MYO18A: variants seen among roughly 807,000 people sequenced by gnomAD.
MYO18A encodes the protein unconventional myosin-XVIIIa.
In MYO18A, 78 loss-of-function variants were observed where a neutral mutation model predicts 235.8. That is an observed-to-expected ratio of 0.33 (90% CI 0.28 to 0.40). MYO18A has a LOEUF of 0.40. Among genes scored for constraint, MYO18A ranks in the 10% least tolerant of loss-of-function variants. The pLI, the probability that MYO18A is intolerant of heterozygous loss-of-function variation, is 1.00. For missense variants in MYO18A, 2,215 were observed against 2,699.3 expected, an observed-to-expected ratio of 0.82 and a Z score of 3.98; for synonymous variants, 977 against 1,077.8, an observed-to-expected ratio of 0.91 and a Z score of 1.83.
At chr17:29,165,859 T>C in intron 2 of MYO18A, 83 bp downstream of exon 2, 2 of 1,327,734 alleles carry the variant, frequency 1.5e-6, no homozygotes, top group East Asian at 2.5e-5. Flanking sequence ...TAACAGCTCT[T>C]GGGTACCCCG....
chr17:29,100,464 G>A (rs1243120905), intron 21 of MYO18A, among the ~76,000 whole-genome samples: 1 of 152,220 alleles, frequency 6.6e-6, no homozygotes, highest in Non-Finnish European at 1.5e-5. Context: ...CCAGCTGAGG[G>A]ACCTGTCATA....
Position 29,125,826 on chromosome 17 carries a change from G to C in MYO18A, c.1000-3573C>G, listed in dbSNP as rs1279513631. On this transcript the variant is annotated intron_variant, in intron 2 of 41. Coordinates refer to ENST00000527372, the MANE Select transcript of MYO18A (RefSeq NM_078471.4). The surrounding 1 kb of genome is among the most constrained non-coding windows in gnomAD (Gnocchi z 5.1). ...TCAGCGCGCCTACAGACACACACAGGGTCCTGCCGCCAGCCTCAGGAAGAG... is the reference window on the plus strand; with the variant it reads ...TCAGCGCGCCTACAGACACACACAGCGTCCTGCCGCCAGCCTCAGGAAGAG... The C allele has an allele frequency of 1.2e-6, 1 of 845,424 alleles. No homozygotes were observed. The highest frequency in any genetic ancestry group is 1.4e-6 in the Non-Finnish European group (1 of 701,364). 52.4% of individuals were successfully genotyped at this position (845,424 alleles called of 1,614,324 possible). A position where few individuals can be genotyped will look rare whatever the true frequency, so the allele number is the denominator to read the frequency against.
At chr17:29,147,628 A>G (rs1170026237) in intron 2 of MYO18A, among the ~76,000 whole-genome samples, 1 of 152,144 alleles carries the variant, frequency 6.6e-6, no homozygotes, top group African/African-American at 2.4e-5. Flanking sequence ...GTAGTCAGGC[A>G]TGGTGGCTCA....
At position 29,122,258 on chromosome 17, in the gene MYO18A, CAG is replaced by C. The variant is rs754677702; in HGVS notation, c.1000-7_1000-6del. The C allele has an allele frequency of 5.0e-6, 8 of 1,608,778 alleles. No individual in the cohort carries two copies. The highest frequency in any genetic ancestry group is 1.7e-5 in the Admixed American group (1 of 59,262). ...AATCTGTTCTTCTGTTTTCGCCTGT[CAG>C]AGAGAGAGAAGAATAAACAGGCCCT... On this transcript the variant is annotated splice_region_variant and splice_polypyrimidine_tract_variant and intron_variant, in intron 2 of 41. Transcript: ENST00000527372.
chr17:29,095,609 C>G (rs933968871), intron 28 of MYO18A, among the ~76,000 whole-genome samples: 2 of 152,234 alleles, frequency 1.3e-5, no homozygotes, highest in African/African-American at 4.8e-5. Flanking sequence ...CCACTGTGCC[C>G]AGCTGGCCAC....
Position 29,166,513 on chromosome 17 carries a change from T to C in MYO18A, c.428A>G (p.Gln143Arg). ...QMIVKRFSFS[Q>R]RSRDESASET... is the part of the protein sequence containing the mutation. ...TGAGGCGCTCTCATCCCGGCTACGC[T>C]GGGAGAAGGAAAAGCGCTTGACAAT... The change falls in exon 2 of 42, where the codon CAG (glutamine) becomes CGG (arginine). Residue 143 changes from glutamine to arginine, a missense_variant. Gln to Arg is a conservative substitution (Grantham distance 43). Transcript: ENST00000527372. The C allele has an allele frequency of 6.2e-7, 1 of 1,613,634 alleles. No homozygotes were observed. The highest frequency in any genetic ancestry group is 8.5e-7 in the Non-Finnish European group (1 of 1,179,858).
At position 29,121,202 on chromosome 17, in the gene MYO18A, T is replaced by A. The variant is rs780656034; in HGVS notation, c.1381A>T (p.Met461Leu). 6.2e-7 allele frequency: 1 copy of A among 1,606,562 alleles called. No individual in the cohort carries two copies. Among genetic ancestry groups the A allele is most frequent in the Admixed American group, 1.7e-5 (1 of 59,000 alleles). The change falls in exon 6 of 42, where the codon ATG becomes TTG. Residue 461 changes from methionine to leucine, a missense_variant. Physicochemically the swap from Met to Leu is conservative, Grantham distance 15. Transcript: ENST00000527372. This position sits in a 1 kb window ranked among gnomAD's most constrained non-coding sequence, Gnocchi z 4.2. ...TCCTCCCGCCGACAACCCTTGAACA[T>A]GTGCATCACCTTGGGCAGGAGAGCA... ...PAVYSEKVMH[M>L]FKGCRREDMA... is the part of the protein sequence containing the mutation.
At chr17:29,131,339 G>A (rs1216820303) in intron 2 of MYO18A, 5 of 947,640 alleles carry the variant, frequency 5.3e-6, no homozygotes, top group Non-Finnish European at 6.3e-6. Context: ...ACACATGCCC[G>A]CACACACACA....
rs568985530 is a variant in MYO18A at position 29,086,386 on chromosome 17, G to A, written c.5852+52C>T. On this transcript the variant is annotated intron_variant, in intron 39 of 41. Transcript: ENST00000527372. ...TACCTGGTCGTCTGGTTCCAGAGGT[G>A]GTCAAGAGGGCCTCCGTGCTAGCTG... 33 of 1,551,530 alleles carry A rather than the reference G, an allele frequency of 2.1e-5. No individual in the cohort carries two copies. The African/African-American group carries it at 4.0e-4, about 19-fold the overall frequency.
At position 29,111,691 on chromosome 17, in the gene MYO18A, AGAGGAGC is replaced by A; in HGVS notation, c.2740+24_2740+30del. Reference sequence around the variant, plus strand: ...GACCCACCTGTATGTAAGAGGAAGCAGAGGAGCTACCCTCTAGGGATGCCACCTACCT... The same window carrying A: ...GACCCACCTGTATGTAAGAGGAAGCATACCCTCTAGGGATGCCACCTACCT... On this transcript the variant is annotated intron_variant, in intron 16 of 41. Transcript: ENST00000527372. The surrounding 1 kb of genome is among the most constrained non-coding windows in gnomAD (Gnocchi z 5.1). 1 of 1,612,930 alleles carries A rather than the reference AGAGGAGC, an allele frequency of 6.2e-7. No individual in the cohort carries two copies. The highest frequency in any genetic ancestry group is 8.5e-7 in the Non-Finnish European group (1 of 1,179,420).
intron 39 of MYO18A, among the ~76,000 whole-genome samples, chr17:29,085,911 A>G (rs1205795812): frequency 1.3e-5 from 2 of 152,176 alleles, no homozygotes; most frequent in East Asian, 3.9e-4. Context: ...CCCCAGCCCT[A>G]AGGTGGGAAG....
chr17:29,090,498 C>T lies in MYO18A; in HGVS notation c.5388+34G>A, dbSNP rs573511513. On this transcript the variant is annotated intron_variant, in intron 36 of 41. Transcript: ENST00000527372. The stretch of plus-strand genomic sequence containing the variant: ...CCTCCCACACCTAGTGACCCTGGCA[C>T]TCTCTCTCTCCTGAGGGAGCCCCTG... The T allele has an allele frequency of 3.1e-5, 48 of 1,544,872 alleles. No individual in the cohort carries two copies. The South Asian group carries it at 5.1e-4, about 16-fold the overall frequency.
rs1328190669 is a variant in MYO18A, at chr17:29,081,387, C to T, written c.6020+929G>A. 2.0e-5 allele frequency among the ~76,000 whole-genome samples: 3 copies of T among 152,112 alleles called. No homozygotes were observed. The East Asian group carries it at 5.8e-4, about 29-fold the overall frequency. The stretch of plus-strand genomic sequence containing the variant: ...GGGAAGCCGGCATTATCTGCAATAA[C>T]AAAATGTTGTTTGGCCGAATAAATT... On this transcript the variant is annotated intron_variant, in intron 41 of 41. Transcript: ENST00000527372.
rs540154169 is a variant in MYO18A, at chr17:29,126,857, C to T, written c.1000-4604G>A. ...TCCCTCCTGCTTCTCAGCCTCCTGCCCCACCCAGAGAACACTTTCTGGGAA... is the reference window on the plus strand; with the variant it reads ...TCCCTCCTGCTTCTCAGCCTCCTGCTCCACCCAGAGAACACTTTCTGGGAA... On this transcript the variant is annotated intron_variant, in intron 2 of 41. Coordinates refer to ENST00000527372, the MANE Select transcript of MYO18A (RefSeq NM_078471.4). The surrounding 1 kb of genome is among the most constrained non-coding windows in gnomAD (Gnocchi z 4.1). 5.3e-5 allele frequency among the ~76,000 whole-genome samples: 8 copies of T among 152,240 alleles called. No individual in the cohort carries two copies. Among genetic ancestry groups the T allele is most frequent in the East Asian group, 1.9e-4 (1 of 5,174 alleles).
rs2065911759 is a variant in MYO18A at position 29,073,592 on chromosome 17, A to G, written c.*1178T>C. ...GAGCACAGCCCAGTGAGTACAAACC[A>G]ATTGCAGGAGAGAAGGGGGGCGGCA... On this transcript the variant is annotated 3_prime_UTR_variant, in exon 42 of 42. Coordinates refer to ENST00000527372, the MANE Select transcript of MYO18A (RefSeq NM_078471.4). 2 of 435,542 alleles carry G rather than the reference A, an allele frequency of 4.6e-6. No homozygotes were observed. The highest frequency in any genetic ancestry group is 7.6e-5 in the Admixed American group (2 of 26,332). 27.0% of individuals were successfully genotyped at this position (435,542 alleles called of 1,614,324 possible).
At chr17:29,076,286 A>G (rs1343689465) in intron 41 of MYO18A, 2 of 151,766 alleles carry the variant, frequency 1.3e-5, no homozygotes, top group Non-Finnish European at 2.9e-5. Context: ...CTTAGACCTC[A>G]AAGACTTTGG....
chr17:29,122,290 T>C (rs1020770148), intron 2 of MYO18A, 37 bp from the exon 3 acceptor site: 1 of 1,576,848 alleles, frequency 6.3e-7, no homozygotes, highest in Non-Finnish European at 8.6e-7. Flanking sequence ...GGCCCTGCTA[T>C]GGAAGACAGG....
Position 29,094,752 on chromosome 17 carries a change from A to C in MYO18A, c.4608T>G (p.Ser1536=). ...GGAGCTGTTTCTTGACCTTGGCCAG[A>C]GAAGCCTCATCCTTGGACTCTTGGG... is the stretch of plus-strand genomic sequence containing the variant. ...ISSQESKDEA[S]LAKVKKQLRD... The change falls in exon 30 of 42, where the codon TCT becomes TCG. Residue 1536 remains serine (S), a synonymous_variant. Coordinates refer to ENST00000527372, the MANE Select transcript of MYO18A (RefSeq NM_078471.4). 6.2e-7 allele frequency: 1 copy of C among 1,614,054 alleles called. No homozygotes were observed. Among genetic ancestry groups the C allele is most frequent in the African/African-American group, 1.3e-5 (1 of 75,066 alleles).
intron 1 of MYO18A, among the ~76,000 whole-genome samples, chr17:29,179,332 T>C (rs2068598745): frequency 6.6e-6 from 1 of 150,440 alleles, no homozygotes; most frequent in Non-Finnish European, 1.5e-5. Context: ...ACATGTGCCT[T>C]GCAGTAGGGC....
Sources: gnomAD v4.1 joint callset for allele counts (sites outside exome capture counted in the v4.1 genomes callset) on GRCh38, gnomAD v4.1.1 for gene constraint, Gnocchi (gnomAD v3.1) non-coding constraint, MANE v1.5 for transcripts, NCBI Gene and HGNC (gene_info 2026-07-23, HGNC 2026-07-21) for gene names.